The following STRN variants were observed in gnomAD, a reference collection of about 807,000 sequenced individuals.
The protein encoded by STRN is striatin.
STRN carries 53 observed loss-of-function variants against 96.3 expected under a neutral mutation model. The ratio of observed to expected loss-of-function variants is 0.55; its 90% CI spans 0.44 to 0.69. The LOEUF (loss-of-function observed/expected upper bound fraction) is 0.69. Ranked by LOEUF, STRN falls within the 30% of genes least tolerant of loss-of-function variation. The pLI is 0.00. For missense variants in STRN, 987 were observed against 963.9 expected, an observed-to-expected ratio of 1.02 and a Z score of -0.32; for synonymous variants, 428 against 355.9, an observed-to-expected ratio of 1.20 and a Z score of -2.28.
intron 5 of STRN, among the ~76,000 whole-genome samples, chr2:36,900,336 C>T (rs890574354): frequency 6.6e-6 from 1 of 151,172 alleles, no homozygotes; most frequent in South Asian, 2.2e-4. Context: ...ATTCTCTCTA[C>T]AACTCTCCCT....
At chr2:36,937,931 G>GA (rs904398054) in intron 1 of STRN, among the ~76,000 whole-genome samples, 6 of 151,970 alleles carry the variant, frequency 3.9e-5, no homozygotes, top group East Asian at 1.9e-4. Flanking sequence ...AAAAGTAGGG[G>GA]AAAAAAGGCA....
intron 1 of STRN, among the ~76,000 whole-genome samples, chr2:36,932,828 C>A (rs1307663407): frequency 6.6e-6 from 1 of 152,096 alleles, no homozygotes; most frequent in African/African-American, 2.4e-5. Context: ...TACAGAAAAC[C>A]CTCAACTGCC....
intron 8 of STRN, among the ~76,000 whole-genome samples, chr2:36,884,957 A>C (rs1665453600): frequency 6.6e-6 from 1 of 152,202 alleles, no homozygotes; most frequent in Non-Finnish European, 1.5e-5. Context: ...ACATGAACTG[A>C]AGACATTAAA....
At chr2:36,942,549 T>C (rs556169450) in intron 1 of STRN, among the ~76,000 whole-genome samples, 2 of 152,324 alleles carry the variant, frequency 1.3e-5, no homozygotes, top group Admixed American at 6.5e-5. Flanking sequence ...AGATTTCCCA[T>C]GGAGAGACTA....
chr2:36,953,402 C>CTTTT (rs58389468), intron 1 of STRN, among the ~76,000 whole-genome samples: 2 of 135,214 alleles, frequency 1.5e-5, no homozygotes, highest in African/African-American at 5.5e-5. Flanking sequence ...AGATAAGGTC[C>CTTTT]TTTTTTTTTT....
intron 12 of STRN, among the ~76,000 whole-genome samples, chr2:36,863,947 G>A (rs947012338): frequency 2.6e-5 from 4 of 152,044 alleles, no homozygotes; most frequent in African/African-American, 9.7e-5. Context: ...TCTTGATTTG[G>A]TACTCAGCTT....
At chr2:36,924,291 G>C (rs1351037621) in intron 2 of STRN, among the ~76,000 whole-genome samples, 1 of 146,656 alleles carries the variant, frequency 6.8e-6, no homozygotes, top group Non-Finnish European at 1.5e-5. Context: ...GGGAGGTGGA[G>C]CTTGCAGTGA....
intron 2 of STRN, among the ~76,000 whole-genome samples, chr2:36,917,110 A>T (rs1348398357): frequency 6.7e-6 from 1 of 150,288 alleles, no homozygotes; most frequent in African/African-American, 2.5e-5. Flanking sequence ...CAACAATTTG[A>T]AAAACCAAAA....
intron 4 of STRN, among the ~76,000 whole-genome samples, chr2:36,905,000 G>A (rs1218039011): frequency 8.5e-5 from 12 of 140,724 alleles, no homozygotes; most frequent in South Asian, 2.2e-4. Flanking sequence ...ATGAAGTTTC[G>A]CTCTTGTTGC....
intron 3 of STRN, among the ~76,000 whole-genome samples, chr2:36,909,352 G>C (rs1669907910): frequency 6.6e-6 from 1 of 152,024 alleles, no homozygotes; most frequent in Non-Finnish European, 1.5e-5. Context: ...ATAGATAATA[G>C]TTGAATTTCT....
At chr2:36,885,939 C>G (rs971577857) in intron 8 of STRN, among the ~76,000 whole-genome samples, 3 of 152,010 alleles carry the variant, frequency 2.0e-5, no homozygotes, top group African/African-American at 7.2e-5. Flanking sequence ...AGCCTTGTTC[C>G]CCTAAGAAGA....
Position 36,938,275 on chromosome 2 carries a change from A to T in STRN, c.235-13067T>A, listed in dbSNP as rs556950149. On this transcript the variant is annotated intron_variant, in intron 1 of 17. Transcript: ENST00000263918. ...ACACCGCCTCTACTAAAAGCACAAA[A>T]ATTAGCCAGGTGTGGTGATGTACAC... Among the ~76,000 whole-genome samples, 10 of 152,142 alleles carry T rather than the reference A, an allele frequency of 6.6e-5. 1 individual carries two copies. The South Asian group carries it at 2.1e-3, about 32-fold the overall frequency.
chr2:36,924,189 T>C (rs1480892857), intron 2 of STRN, among the ~76,000 whole-genome samples: 2 of 152,038 alleles, frequency 1.3e-5, no homozygotes, highest in African/African-American at 2.4e-5. Context: ...ACCCCATCTC[T>C]ACCAAAAATA....
intron 1 of STRN, among the ~76,000 whole-genome samples, chr2:36,964,273 T>G (rs13426363): frequency 1.5e-5 from 2 of 131,378 alleles, no homozygotes; most frequent in African/African-American, 3.1e-5. Flanking sequence ...TTTGTTTTTG[T>G]TTTTTTTTTT....
chr2:36,950,939 T>A (rs1446596670), intron 1 of STRN, among the ~76,000 whole-genome samples: 1 of 152,174 alleles, frequency 6.6e-6, no homozygotes, highest in African/African-American at 2.4e-5. Context: ...TTATTTATTT[T>A]AAAAAGCAGA....
chr2:36,930,946 C>T (rs1243325756), intron 1 of STRN, among the ~76,000 whole-genome samples: 2 of 151,764 alleles, frequency 1.3e-5, no homozygotes, highest in African/African-American at 4.8e-5. Context: ...GGCAGGAGAA[C>T]TGCTTGAACC....
At chr2:36,856,574 A>G (rs149367072) in intron 14 of STRN, among the ~76,000 whole-genome samples, 1 of 152,356 alleles carries the variant, frequency 6.6e-6, no homozygotes, top group Non-Finnish European at 1.5e-5. Context: ...GTTTGAGTAG[A>G]TAAAACTAAT....
intron 10 of STRN, among the ~76,000 whole-genome samples, chr2:36,874,646 A>G (rs1288456692): frequency 6.6e-6 from 1 of 151,838 alleles, no homozygotes; most frequent in Non-Finnish European, 1.5e-5. Flanking sequence ...TTAAATGACC[A>G]ACAACAGAAA....
chr2:36,851,479 T>A (rs1418285819), intron 15 of STRN, among the ~76,000 whole-genome samples: 1 of 151,950 alleles, frequency 6.6e-6, no homozygotes, highest in African/African-American at 2.4e-5. Flanking sequence ...CGAGACTCCA[T>A]TTCAAAAAAA....
Sources: gnomAD v4.1 joint callset for allele counts (sites outside exome capture counted in the v4.1 genomes callset) on GRCh38, gnomAD v4.1.1 for gene constraint, MANE v1.5 for transcripts, NCBI Gene and HGNC (gene_info 2026-07-23, HGNC 2026-07-21) for gene names.